RASA3: variants seen among roughly 807,000 people sequenced by gnomAD.
The protein encoded by RASA3 is ras GTPase-activating protein 3.
Under a neutral mutation model 110.0 loss-of-function variants are expected in RASA3, and 73 were observed. The ratio of observed to expected loss-of-function variants is 0.66; its 90% CI spans 0.55 to 0.81. The LOEUF is 0.81. RASA3 is among the 30% of genes least tolerant of loss of function. The probability of loss-of-function intolerance (pLI) is 0.00; values close to 1 mark genes in which losing one functional copy is unlikely to be tolerated. For synonymous variants in RASA3, 500 were observed against 451.4 expected, an observed-to-expected ratio of 1.11 and a Z score of -1.37; for missense variants, 976 against 1,113.2, an observed-to-expected ratio of 0.88 and a Z score of 1.75.
At chr13:114,062,493 A>G (rs1235262543) in intron 2 of RASA3, among the ~76,000 whole-genome samples, 1 of 152,148 alleles carries the variant, frequency 6.6e-6, no homozygotes, top group African/African-American at 2.4e-5. Flanking sequence ...TTCAACACAC[A>G]GTCGCCACGG....
chr13:114,059,259 C>T (rs893901991), intron 2 of RASA3, among the ~76,000 whole-genome samples: 1 of 143,700 alleles, frequency 7.0e-6, no homozygotes, highest in Non-Finnish European at 1.6e-5. Context: ...CCTGCATCTT[C>T]ACAGCACAGT....
chr13:114,051,348 C>T (rs1420301061), intron 3 of RASA3, among the ~76,000 whole-genome samples: 4 of 152,224 alleles, frequency 2.6e-5, no homozygotes, highest in East Asian at 1.9e-4. Context: ...AGCGTCACGG[C>T]GGGAATTAGC....
chr13:114,013,708 CT>C lies in RASA3; in HGVS notation c.1406-461del, dbSNP rs772952614. On this transcript the variant is annotated intron_variant, in intron 14 of 23. Transcript: ENST00000334062. The stretch of plus-strand genomic sequence containing the variant: ...TCCCTATCTCTGTCTCTCTCTCTCT[CT>C]CCCCCTCTCTCTCTCCGTCCGTCTG... Among the ~76,000 whole-genome samples, 35 of 143,240 alleles carry C rather than the reference CT, an allele frequency of 2.4e-4. 2 individuals carry two copies. The highest frequency in any genetic ancestry group is 4.6e-4 in the South Asian group (2 of 4,312). The allele number at this position is 143,240 out of a possible 152,430, so 94.0% of individuals were successfully genotyped here.
chr13:114,059,070 C>T (rs180767836), intron 2 of RASA3, among the ~76,000 whole-genome samples: 19 of 152,288 alleles, frequency 1.2e-4, no homozygotes, highest in East Asian at 1.2e-3. Flanking sequence ...TGGTGGCGCA[C>T]GTCTGCAGCG....
intron 1 of RASA3, among the ~76,000 whole-genome samples, chr13:114,121,704 C>T (rs2080379807): frequency 6.6e-6 from 1 of 152,252 alleles, no homozygotes; most frequent in African/African-American, 2.4e-5. Flanking sequence ...CTCTGTAGCC[C>T]TGAGGACGCG....
At chr13:114,019,744 C>CA (rs2053877559) in intron 9 of RASA3, among the ~76,000 whole-genome samples, 2 of 147,136 alleles carry the variant, frequency 1.4e-5, no homozygotes, top group Admixed American at 6.8e-5. Flanking sequence ...GAGACATTGG[C>CA]GCCCCCGTCA....
At chr13:113,989,489 C>A (rs9590495) in intron 22 of RASA3, among the ~76,000 whole-genome samples, 1 of 147,462 alleles carries the variant, frequency 6.8e-6, no homozygotes, top group African/African-American at 2.6e-5. Flanking sequence ...CATCACTCAC[C>A]CATGCTTCCA....
chr13:113,999,736 GGGGT>G, intron 19 of RASA3, 69 bp from the exon 20 acceptor site: 2 of 1,361,654 alleles, frequency 1.5e-6, no homozygotes, highest in Non-Finnish European at 2.1e-6. Context: ...GTGGGGCTGA[GGGGT>G]CTCTGCCGGG....
chr13:114,019,224 CCG>C (rs1271695848), intron 9 of RASA3, among the ~76,000 whole-genome samples: 1 of 152,200 alleles, frequency 6.6e-6, no homozygotes, highest in East Asian at 1.9e-4. Flanking sequence ...GGTCAGTGAC[CCG>C]CCCTAAGACC....
chr13:113,997,015 C>G (rs1324943005), intron 20 of RASA3, among the ~76,000 whole-genome samples: 1 of 152,240 alleles, frequency 6.6e-6, no homozygotes, highest in Non-Finnish European at 1.5e-5. Flanking sequence ...CCAGGAACAG[C>G]TTGGCCAAGG....
At chr13:113,995,747 C>T (rs1271621116) in intron 21 of RASA3, among the ~76,000 whole-genome samples, 5 of 18,598 alleles carry the variant, frequency 2.7e-4, no homozygotes, top group Non-Finnish European at 3.5e-4. Flanking sequence ...CTGACGGGGG[C>T]CCGGCTGACG....
At chr13:113,990,037 A>G (rs2053071215) in intron 22 of RASA3, among the ~76,000 whole-genome samples, 1 of 151,998 alleles carries the variant, frequency 6.6e-6, no homozygotes, top group Non-Finnish European at 1.5e-5. Context: ...GTGAGTTCTC[A>G]CGAGGTCTGG....
intron 1 of RASA3, among the ~76,000 whole-genome samples, chr13:114,100,187 C>T (rs61971964): frequency 0.085 from 12,928 of 151,514 alleles, 691 homozygotes; most frequent in Middle Eastern, 0.16. Flanking sequence ...TCGCAGGAGA[C>T]GCAGCTCTGA....
intron 14 of RASA3, among the ~76,000 whole-genome samples, chr13:114,013,621 TCTG>T (rs2053700262): frequency 1.5e-5 from 1 of 65,326 alleles, no homozygotes. Context: ...CCCCCCTCCA[TCTG>T]TCTCTCTCTC....
At chr13:113,995,604 GGGGGGCCCTGCTGATGGGGGGCCTGACA>G (rs1288893868) in intron 21 of RASA3, among the ~76,000 whole-genome samples, 47 of 150,484 alleles carry the variant, frequency 3.1e-4, no homozygotes, top group Admixed American at 8.6e-4. Flanking sequence ...CCCGGCTGAT[GGGGGGCCCTGCTGATGGGGGGCCTGACA>G]GGGGGCCCAG....
At chr13:114,041,203 T>C (rs1219975798) in intron 3 of RASA3, 109 bp from the exon 4 acceptor site, 1 of 973,682 alleles carries the variant, frequency 1.0e-6, no homozygotes, top group East Asian at 2.5e-5. Context: ...AACAGTTTAA[T>C]TCAGAATGGG....
At chr13:114,040,079 G>A (rs1048807834) in intron 4 of RASA3, among the ~76,000 whole-genome samples, 32 of 152,254 alleles carry the variant, frequency 2.1e-4, no homozygotes, top group African/African-American at 7.5e-4. Context: ...TCAATGACGC[G>A]TGCCTGTCCT....
At chr13:114,035,282 C>T (rs1274444443) in intron 4 of RASA3, among the ~76,000 whole-genome samples, 3 of 152,222 alleles carry the variant, frequency 2.0e-5, no homozygotes, top group Admixed American at 6.5e-5. Context: ...AGGAAAGGAA[C>T]GAGAGGACCT....
chr13:114,119,509 C>T (rs1456651272), intron 1 of RASA3, among the ~76,000 whole-genome samples: 1 of 116,410 alleles, frequency 8.6e-6, no homozygotes, highest in Non-Finnish European at 2.0e-5. Flanking sequence ...AGCCAGGCGT[C>T]GATCAGTGCC....
Sources: allele counts gnomAD v4.1 joint callset (sites outside exome capture counted in the v4.1 genomes callset), GRCh38; gene constraint gnomAD v4.1.1; transcripts MANE v1.5; gene names NCBI Gene and HGNC (gene_info 2026-07-23, HGNC 2026-07-21).